FCF1: variants seen among roughly 807,000 people sequenced by gnomAD.
FCF1 encodes FCF1 rRNA-processing protein.
In FCF1, 17 loss-of-function variants were observed where a neutral mutation model predicts 32.5. The observed-to-expected ratio is 0.52, with a 90% CI of 0.36 to 0.78. The LOEUF (loss-of-function observed/expected upper bound fraction) is 0.78. Ranked by LOEUF, FCF1 falls within the 30% of genes least tolerant of loss-of-function variation. The pLI is 0.00. For missense variants in FCF1, 201 were observed against 241.1 expected (o/e 0.83, Z 1.10); for synonymous variants, 84 against 78.4 (o/e 1.07, Z -0.38).
At chr14:74,727,747 C>T (rs1473830733) in intron 5 of FCF1, among the ~76,000 whole-genome samples, 4 of 151,510 alleles carry the variant, frequency 2.6e-5, no homozygotes, top group East Asian at 1.9e-4. Context: ...TTAGGTCTAA[C>T]GTTTAAGTCT....
intron 5 of FCF1, among the ~76,000 whole-genome samples, chr14:74,730,991 C>T (rs1339671763): frequency 6.6e-6 from 1 of 151,530 alleles, no homozygotes; most frequent in Non-Finnish European, 1.5e-5. Flanking sequence ...GAATGAGACC[C>T]CATCTCCAAA....
chr14:74,728,663 C>T (rs1269991796), intron 5 of FCF1, among the ~76,000 whole-genome samples: 1 of 152,108 alleles, frequency 6.6e-6, no homozygotes, highest in African/African-American at 2.4e-5. Flanking sequence ...TGAGAGAGGG[C>T]ATCCCTGTCT....
At chr14:74,719,373 G>A (rs1241264852) in intron 4 of FCF1, among the ~76,000 whole-genome samples, 1 of 152,024 alleles carries the variant, frequency 6.6e-6, no homozygotes, top group Non-Finnish European at 1.5e-5. Flanking sequence ...CCAGCAGTTT[G>A]GGAGGCCGAG....
rs768683574 is a variant in FCF1, at chr14:74,734,863, G to A, written c.549-19G>A. 1 of 1,611,120 alleles carries A rather than the reference G, an allele frequency of 6.2e-7. No individual in the cohort carries two copies. Among genetic ancestry groups the A allele is most frequent in the South Asian group, 1.1e-5 (1 of 90,910 alleles). ...TCTTCCCATCTTTCTTACCGGTGTTGATTTTTTGTCCTGATCAGATACAAC... is the reference window on the plus strand; with the variant it reads ...TCTTCCCATCTTTCTTACCGGTGTTAATTTTTTGTCCTGATCAGATACAAC... On this transcript the variant is annotated intron_variant, in intron 7 of 7. Coordinates refer to ENST00000341162, the MANE Select transcript of FCF1 (RefSeq NM_015962.5).
rs564431365 is a variant in FCF1 at position 74,716,321 on chromosome 14, C to T, written c.292+222C>T. 5.5e-4 allele frequency among the ~76,000 whole-genome samples: 83 copies of T among 152,122 alleles called. No homozygotes were observed. The South Asian group carries it at 0.012, about 23-fold the overall frequency. ...AATTCAGAAAACACTTAGAATGCTT[C>T]GAGTATCATTATGGACATCAATTTT... On this transcript the variant is annotated intron_variant, in intron 4 of 7. Coordinates refer to ENST00000341162, the MANE Select transcript of FCF1 (RefSeq NM_015962.5).
chr14:74,715,010 T>G, intron 3 of FCF1, 67 bp downstream of exon 3: 2 of 1,487,742 alleles, frequency 1.3e-6, no homozygotes, highest in Non-Finnish European at 1.8e-6. Flanking sequence ...AGGCTTTCCC[T>G]GAGCTGGTTT....
chr14:74,720,034 C>T (rs919462448), intron 4 of FCF1, among the ~76,000 whole-genome samples: 14 of 151,932 alleles, frequency 9.2e-5, no homozygotes, highest in Admixed American at 5.9e-4. Context: ...TCCAGCTACT[C>T]GGGAGGCTGA....
intron 3 of FCF1, chr14:74,715,711 T>G (rs762828972): frequency 1.6e-5 from 13 of 797,212 alleles, no homozygotes; most frequent in Non-Finnish European, 2.1e-5. Flanking sequence ...TAATTGCTTT[T>G]TTTGTTTGTT....
chr14:74,721,429 G>A (rs551566091), intron 4 of FCF1, among the ~76,000 whole-genome samples: 120 of 152,230 alleles, frequency 7.9e-4, no homozygotes, highest in African/African-American at 2.4e-3. Context: ...GGCCGGGCAC[G>A]GTGGCTCACG....
At chr14:74,729,189 C>G (rs1313878945) in intron 5 of FCF1, among the ~76,000 whole-genome samples, 1 of 152,132 alleles carries the variant, frequency 6.6e-6, no homozygotes, top group African/African-American at 2.4e-5. Flanking sequence ...ACCAGTTCCT[C>G]CTTGTACCTG....
rs367557939 is a variant in FCF1, at chr14:74,716,004, C to T, written c.197C>T (p.Pro66Leu). 3.1e-6 allele frequency: 5 copies of T among 1,613,960 alleles called. No homozygotes were observed. The highest frequency in any genetic ancestry group is 3.4e-6 in the Non-Finnish European group (4 of 1,179,862). ...FFQYNTQLGPPYHILVDTNFI... is the reference protein window; with the variant it reads ...FFQYNTQLGPLYHILVDTNFI... ...CAATATAATACACAGCTGGGCCCACCTTACCACATCCTCGTTGATACCAAC... is the reference window on the plus strand; with the variant it reads ...CAATATAATACACAGCTGGGCCCACTTTACCACATCCTCGTTGATACCAAC... The change falls in exon 4 of 8, where the codon CCT (proline) becomes CTT (leucine). Residue 66 changes from proline to leucine, a missense_variant. Physicochemically the swap from Pro to Leu is moderately conservative, Grantham distance 98 (BLOSUM62 -3). Transcript: ENST00000341162.
intron 4 of FCF1, among the ~76,000 whole-genome samples, chr14:74,719,742 G>A (rs1386792341): frequency 6.6e-6 from 1 of 152,168 alleles, no homozygotes; most frequent in Admixed American, 6.5e-5. Flanking sequence ...TCCAGCCTGG[G>A]TGACGGAACA....
chr14:74,718,022 C>T (rs766889678), intron 4 of FCF1, among the ~76,000 whole-genome samples: 4 of 152,078 alleles, frequency 2.6e-5, no homozygotes, highest in South Asian at 2.1e-4. Flanking sequence ...CATGCCACCA[C>T]GCCTATCTAA....
Position 74,732,792 on chromosome 14 carries a change from G to A in FCF1, c.427G>A (p.Asp143Asn), listed in dbSNP as rs1286359904. The A allele has an allele frequency of 6.2e-7, 1 of 1,610,192 alleles. No homozygotes were observed. The highest frequency in any genetic ancestry group is 2.2e-5 in the East Asian group (1 of 44,836). The change falls in exon 6 of 8, where the codon GAC (aspartate) becomes AAC (asparagine). Residue 143 changes from aspartate (D) to asparagine (N), a missense_variant. This residue lies in a region of FCF1 where 121 missense variants were observed against 147.8 expected (regional missense o/e 0.82). Coordinates refer to ENST00000341162, the MANE Select transcript of FCF1 (RefSeq NM_015962.5). ...TACACACAAAGGAACCTATGCAGAT[G>A]ACTGCTTAGTACAGAGAGTAACTCA... ...PCTHKGTYAD[D>N]CLVQRVTQHK... is the part of the protein sequence containing the mutation.
intron 1 of FCF1, 67 bp downstream of exon 1, chr14:74,713,267 G>A: frequency 6.2e-7 from 1 of 1,614,164 alleles, no homozygotes. Flanking sequence ...GAGGTAGTCA[G>A]ACCGTGGCCA....
chr14:74,727,905 G>A (rs992731285), intron 5 of FCF1, among the ~76,000 whole-genome samples: 41 of 152,200 alleles, frequency 2.7e-4, no homozygotes, highest in Non-Finnish European at 5.0e-4. Flanking sequence ...TCAAAGATCA[G>A]ATAGTTGTAG....
In FCF1 at chr14:74,716,045, A is replaced by G. The variant is rs1174531827; in HGVS notation, c.238A>G (p.Ile80Val). 8 of 1,613,910 alleles carry G rather than the reference A, an allele frequency of 5.0e-6. No individual in the cohort carries two copies. The East Asian group carries it at 6.7e-5, about 13-fold the overall frequency. The change falls in exon 4 of 8, where the codon ATA becomes GTA. Residue 80 changes from isoleucine (I) to valine (V), a missense_variant. Coordinates refer to ENST00000341162, the MANE Select transcript of FCF1 (RefSeq NM_015962.5). ...LVDTNFINFS[I>V]KAKLDLVQSM... ...TGATACCAACTTTATCAACTTTTCC[A>G]TAAAAGCCAAACTGGACTTAGTGCA...
At chr14:74,723,173 A>G (rs1218127350) in intron 4 of FCF1, 99 bp from the exon 5 acceptor site, 1 of 836,486 alleles carries the variant, frequency 1.2e-6, no homozygotes, top group Admixed American at 1.9e-5. Flanking sequence ...TGTCATTGCA[A>G]AAGTGTCCTG....
chr14:74,732,810 G>A lies in FCF1; in HGVS notation c.445G>A (p.Val149Ile). ...TYADDCLVQR[V>I]TQHKCYIVAT... is the part of the protein sequence containing the mutation. ...TGCAGATGACTGCTTAGTACAGAGAGTAACTCAGGTATTATCAGTTCATAA... is the reference window on the plus strand; with the variant it reads ...TGCAGATGACTGCTTAGTACAGAGAATAACTCAGGTATTATCAGTTCATAA... The change falls in exon 6 of 8, where the codon GTA becomes ATA. Residue 149 changes from valine (V) to isoleucine (I), a missense_variant. Coordinates refer to ENST00000341162, the MANE Select transcript of FCF1 (RefSeq NM_015962.5). 6.3e-7 allele frequency: 1 copy of A among 1,586,494 alleles called. No individual in the cohort carries two copies.
Sources: gnomAD v4.1 joint callset for allele counts (sites outside exome capture counted in the v4.1 genomes callset) on GRCh38, gnomAD v4.1.1 for gene constraint, gnomAD v4.1.1 regional missense constraint, MANE v1.5 for transcripts, NCBI Gene and HGNC (gene_info 2026-07-23, HGNC 2026-07-21) for gene names.